NR3C2: variants seen among roughly 807,000 people sequenced by gnomAD.
NR3C2 encodes nuclear receptor subfamily 3 group C member 2.
Under a neutral mutation model 86.4 loss-of-function variants are expected in NR3C2, and 15 were observed. The observed-to-expected ratio is 0.17, with a 90% CI of 0.12 to 0.27. The LOEUF (loss-of-function observed/expected upper bound fraction) is 0.27, where lower values mean the gene tolerates loss of function less well. NR3C2 is among the 10% of genes least tolerant of loss of function. The probability of loss-of-function intolerance (pLI) is 1.00; values close to 1 mark genes in which losing one functional copy is unlikely to be tolerated. For synonymous variants in NR3C2, 458 were observed against 450.5 expected, an observed-to-expected ratio of 1.02 and a Z score of -0.21; for missense variants, 960 against 1,195.6, an observed-to-expected ratio of 0.80 and a Z score of 2.91.
At position 148,317,529 on chromosome 4, in the gene NR3C2, T is replaced by A. The variant is rs566760795; in HGVS notation, c.1758-57412A>T. Among the ~76,000 whole-genome samples, 103 of 151,902 alleles carry A rather than the reference T, an allele frequency of 6.8e-4. 1 individual carries two copies. The highest frequency in any genetic ancestry group is 2.4e-3 in the African/African-American group (100 of 41,402). On this transcript the variant is annotated intron_variant, in intron 2 of 8. Transcript: ENST00000358102. ...CTATTTTGAACAACTTATAAAAAGGTCAGAAGCTACATTAAAAAAATACAA... is the reference window on the plus strand; with the variant it reads ...CTATTTTGAACAACTTATAAAAAGGACAGAAGCTACATTAAAAAAATACAA...
At chr4:148,281,340 A>G (rs899621676) in intron 2 of NR3C2, among the ~76,000 whole-genome samples, 1 of 152,264 alleles carries the variant, frequency 6.6e-6, no homozygotes, top group African/African-American at 2.4e-5. Context: ...TAACTGAAAT[A>G]AAAGTTTCAA....
At chr4:148,196,228 T>C (rs1022505318) in intron 3 of NR3C2, among the ~76,000 whole-genome samples, 1 of 151,886 alleles carries the variant, frequency 6.6e-6, no homozygotes, top group Admixed American at 6.6e-5. Context: ...GCTAAACAAG[T>C]AGAAAAAGGG....
chr4:148,112,477 G>A (rs1485542056), intron 8 of NR3C2, among the ~76,000 whole-genome samples: 1 of 152,172 alleles, frequency 6.6e-6, no homozygotes, highest in Non-Finnish European at 1.5e-5. Flanking sequence ...AACATAAAAG[G>A]AGTGGGAAGA....
intron 6 of NR3C2, among the ~76,000 whole-genome samples, chr4:148,140,980 T>C (rs1296827654): frequency 6.6e-6 from 1 of 152,160 alleles, no homozygotes; most frequent in Admixed American, 6.5e-5. Context: ...TGAAGTAAAA[T>C]TTAAAGAAGT....
chr4:148,357,888 C>T (rs1312034843), intron 2 of NR3C2, among the ~76,000 whole-genome samples: 1 of 152,140 alleles, frequency 6.6e-6, no homozygotes, highest in African/African-American at 2.4e-5. Context: ...ATAGGAAGTT[C>T]TTACCTTTTG....
At chr4:148,344,219 C>T (rs1169865247) in intron 2 of NR3C2, among the ~76,000 whole-genome samples, 1 of 152,068 alleles carries the variant, frequency 6.6e-6, no homozygotes, top group Non-Finnish European at 1.5e-5. Flanking sequence ...ATATTAATAG[C>T]TAGAGTTTTT....
chr4:148,258,168 C>A (rs1739919712), intron 3 of NR3C2, among the ~76,000 whole-genome samples: 1 of 152,128 alleles, frequency 6.6e-6, no homozygotes, highest in Non-Finnish European at 1.5e-5. Context: ...ACTGCCTGCT[C>A]CAAAATGTCC....
At chr4:148,167,441 G>A (rs1420096576) in intron 4 of NR3C2, among the ~76,000 whole-genome samples, 1 of 152,114 alleles carries the variant, frequency 6.6e-6, no homozygotes, top group Non-Finnish European at 1.5e-5. Flanking sequence ...TTAGCCTTTA[G>A]TGATTTTTTT....
chr4:148,341,258 T>G (rs1025668720), intron 2 of NR3C2, among the ~76,000 whole-genome samples: 7 of 152,238 alleles, frequency 4.6e-5, no homozygotes, highest in Middle Eastern at 3.4e-3. Flanking sequence ...ATACTAACAG[T>G]GGAATATTAT....
intron 4 of NR3C2, 121 bp from the exon 5 acceptor site, chr4:148,155,022 G>A (rs970956476): frequency 1.0e-4 from 82 of 797,290 alleles, no homozygotes; most frequent in East Asian, 2.9e-4. Flanking sequence ...GAACATGACC[G>A]TTTATTCCAC....
intron 3 of NR3C2, among the ~76,000 whole-genome samples, chr4:148,241,571 T>G (rs1323061129): frequency 6.6e-6 from 1 of 152,110 alleles, no homozygotes; most frequent in Non-Finnish European, 1.5e-5. Flanking sequence ...CAAGCTCCTT[T>G]TCCAACTGGG....
At chr4:148,318,264 C>T (rs931885300) in intron 2 of NR3C2, among the ~76,000 whole-genome samples, 14 of 151,506 alleles carry the variant, frequency 9.2e-5, no homozygotes, top group South Asian at 2.1e-4. Flanking sequence ...TTTTCTTAAT[C>T]CAGTCTATCA....
At chr4:148,438,647 T>C (rs577053934) in intron 1 of NR3C2, among the ~76,000 whole-genome samples, 1 of 148,630 alleles carries the variant, frequency 6.7e-6, no homozygotes, top group African/African-American at 2.4e-5. Context: ...TTACAGAATA[T>C]GTATTAACAT....
rs577861103 is a variant in NR3C2, at chr4:148,110,149, T to C, written c.2799+3955A>G. Among the ~76,000 whole-genome samples the C allele has an allele frequency of 2.6e-5, 4 of 152,362 alleles. No individual in the cohort carries two copies. In the South Asian group the frequency reaches 8.3e-4, roughly 32 times the overall value. ...AGCTGCTTTGTTTGAAATATTTTTT[T>C]GGGGAAAGATTGACATTCAGAGGAC... On this transcript the variant is annotated intron_variant, in intron 8 of 8. Transcript: ENST00000358102.
chr4:148,151,293 T>C (rs1279708165), intron 6 of NR3C2, among the ~76,000 whole-genome samples: 1 of 152,208 alleles, frequency 6.6e-6, no homozygotes, highest in Non-Finnish European at 1.5e-5. Flanking sequence ...CCCTCTTTAA[T>C]ATGTGTTTTC....
intron 8 of NR3C2, among the ~76,000 whole-genome samples, chr4:148,102,399 A>C (rs986729977): frequency 6.6e-6 from 1 of 152,106 alleles, no homozygotes; most frequent in Non-Finnish European, 1.5e-5. Context: ...GAATGTCCTA[A>C]AGGTCTTTCA....
chr4:148,120,320 T>C, intron 6 of NR3C2, 32 bp from the exon 7 acceptor site: 1 of 1,613,610 alleles, frequency 6.2e-7, no homozygotes, highest in Middle Eastern at 1.7e-4. Flanking sequence ...TGTCTGAGAA[T>C]GCAAGATTCA....
intron 2 of NR3C2, among the ~76,000 whole-genome samples, chr4:148,319,862 C>G (rs1253248761): frequency 1.4e-5 from 2 of 141,370 alleles, no homozygotes; most frequent in Non-Finnish European, 1.5e-5. Context: ...AATTGAATAC[C>G]CTTTATTTCC....
At chr4:148,299,547 A>G (rs1159658862) in intron 2 of NR3C2, among the ~76,000 whole-genome samples, 5 of 152,212 alleles carry the variant, frequency 3.3e-5, no homozygotes, top group Admixed American at 1.3e-4. Flanking sequence ...GCTGGGGCAC[A>G]TGGCCCAAAG....
Sources: allele counts gnomAD v4.1 joint callset (sites outside exome capture counted in the v4.1 genomes callset), GRCh38; gene constraint gnomAD v4.1.1; transcripts MANE v1.5; gene names NCBI Gene and HGNC (gene_info 2026-07-23, HGNC 2026-07-21).